Variants in RSRC1 observed in about 807,000 individuals in gnomAD.
The protein encoded by RSRC1 is serine/Arginine-related protein 53.
In RSRC1, 39 loss-of-function variants were observed where a neutral mutation model predicts 49.1. That is an observed-to-expected ratio of 0.79 (90% CI 0.61 to 1.04). RSRC1 has a LOEUF of 1.04. Among genes scored for constraint, RSRC1 ranks in the 50% least tolerant of loss-of-function variants. RSRC1 has a pLI of 0.00. For synonymous variants in RSRC1, 143 were observed against 130.8 expected (o/e 1.09, Z -0.63); for missense variants, 388 against 402.4 (o/e 0.96, Z 0.31).
intron 6 of RSRC1, among the ~76,000 whole-genome samples, chr3:158,373,759 A>G (rs1457008341): frequency 2.0e-5 from 3 of 152,070 alleles, no homozygotes; most frequent in East Asian, 1.9e-4. Context: ...TGTAACTAAC[A>G]TGGTACCCTG....
intron 4 of RSRC1, among the ~76,000 whole-genome samples, chr3:158,230,573 C>A (rs186981333): frequency 6.6e-6 from 1 of 152,128 alleles, no homozygotes; most frequent in African/African-American, 2.4e-5. Flanking sequence ...TATCATTCTG[C>A]TACAGCAATT....
chr3:158,175,873 C>G (rs917867560), intron 3 of RSRC1, among the ~76,000 whole-genome samples: 1 of 152,086 alleles, frequency 6.6e-6, no homozygotes, highest in Admixed American at 6.6e-5. Flanking sequence ...GATCTTCAGT[C>G]ACTGATACCC....
intron 3 of RSRC1, among the ~76,000 whole-genome samples, chr3:158,139,074 C>T (rs1266615934): frequency 1.3e-5 from 2 of 152,032 alleles, no homozygotes; most frequent in Non-Finnish European, 2.9e-5. Context: ...ATGACATTTT[C>T]TTCTAGTACT....
intron 4 of RSRC1, among the ~76,000 whole-genome samples, chr3:158,231,107 TAGTAG>T (rs61125339): frequency 0.57 from 83,547 of 147,316 alleles, 24,129 homozygotes; most frequent in East Asian, 0.73. Flanking sequence ...TTCTTGGCTG[TAGTAG>T]AGATGAAGAA....
intron 6 of RSRC1, among the ~76,000 whole-genome samples, chr3:158,443,096 A>G (rs900016383): frequency 6.6e-6 from 1 of 152,166 alleles, no homozygotes; most frequent in Non-Finnish European, 1.5e-5. Flanking sequence ...GCACAGGCAG[A>G]GTAGATTTAG....
chr3:158,241,630 G>T (rs1723585796), intron 4 of RSRC1, among the ~76,000 whole-genome samples: 1 of 151,892 alleles, frequency 6.6e-6, no homozygotes, highest in Admixed American at 6.6e-5. Flanking sequence ...AATAAGCAAA[G>T]CAGTTATGTA....
At chr3:158,445,764 T>C (rs1334157489) in intron 6 of RSRC1, among the ~76,000 whole-genome samples, 4 of 152,086 alleles carry the variant, frequency 2.6e-5, no homozygotes, top group Non-Finnish European at 5.9e-5. Context: ...GGCCAATGAT[T>C]ATTAATAGAC....
chr3:158,336,952 A>G (rs1729933772), intron 5 of RSRC1, among the ~76,000 whole-genome samples: 1 of 152,164 alleles, frequency 6.6e-6, no homozygotes, highest in African/African-American at 2.4e-5. Context: ...GACTTGTTAG[A>G]TGAAATCAGG....
At chr3:158,278,012 G>A (rs983188924) in intron 4 of RSRC1, among the ~76,000 whole-genome samples, 2 of 152,150 alleles carry the variant, frequency 1.3e-5, no homozygotes, top group African/African-American at 4.8e-5. Flanking sequence ...AAGTGGTTGA[G>A]GGGGTTCTTC....
At chr3:158,283,409 T>C (rs1262890763) in intron 4 of RSRC1, among the ~76,000 whole-genome samples, 2 of 152,254 alleles carry the variant, frequency 1.3e-5, no homozygotes, top group African/African-American at 4.8e-5. Context: ...TCAAATACTG[T>C]TTACTTTTCA....
Position 158,222,607 on chromosome 3 carries a change from C to T in RSRC1, c.494+19362C>T, listed in dbSNP as rs568667359. Among the ~76,000 whole-genome samples the T allele has an allele frequency of 4.6e-5, 7 of 151,516 alleles. No individual in the cohort carries two copies. In the South Asian group the frequency reaches 8.3e-4, roughly 18 times the overall value. ...ATCTTGATGGCATATATTCATTCTC[C>T]GTCCCCCACCCCTTATATTTCCAAA... On this transcript the variant is annotated intron_variant, in intron 4 of 9. Transcript: ENST00000611884.
intron 5 of RSRC1, among the ~76,000 whole-genome samples, chr3:158,315,208 A>G (rs1728361662): frequency 1.3e-5 from 2 of 152,166 alleles, no homozygotes; most frequent in African/African-American, 4.8e-5. Context: ...ACATGGATGG[A>G]TGGTTGGAGT....
chr3:158,137,453 A>G (rs537328570), intron 3 of RSRC1, among the ~76,000 whole-genome samples: 1 of 151,696 alleles, frequency 6.6e-6, no homozygotes, highest in East Asian at 1.9e-4. Context: ...TTGCTTTAAG[A>G]TGATGCCCTT....
At chr3:158,433,074 A>G (rs1055332244) in intron 6 of RSRC1, among the ~76,000 whole-genome samples, 2 of 151,960 alleles carry the variant, frequency 1.3e-5, no homozygotes, top group Non-Finnish European at 2.9e-5. Context: ...AAAAAAGATC[A>G]CTTAAAAAAT....
At chr3:158,197,516 TGTTA>T (rs1234605617) in intron 3 of RSRC1, among the ~76,000 whole-genome samples, 1 of 152,190 alleles carries the variant, frequency 6.6e-6, no homozygotes, top group Admixed American at 6.5e-5. Flanking sequence ...TCTGCTCTGA[TGTTA>T]GTTATTTCTT....
At chr3:158,425,235 C>G (rs1735343133) in intron 6 of RSRC1, among the ~76,000 whole-genome samples, 1 of 152,090 alleles carries the variant, frequency 6.6e-6, no homozygotes, top group Admixed American at 6.6e-5. Flanking sequence ...AAATTTCCCT[C>G]TACACACTGC....
At chr3:158,208,838 C>G (rs1307826655) in intron 4 of RSRC1, among the ~76,000 whole-genome samples, 1 of 152,152 alleles carries the variant, frequency 6.6e-6, no homozygotes, top group African/African-American at 2.4e-5. Context: ...CTCATAATTG[C>G]AATTTGATTT....
Position 158,444,932 on chromosome 3 carries a change from T to C in RSRC1, c.584-16003T>C, listed in dbSNP as rs201988262. Among the ~76,000 whole-genome samples, 241 of 151,988 alleles carry C rather than the reference T, an allele frequency of 1.6e-3. 3 individuals are homozygous for C. In the East Asian group the frequency reaches 0.031, roughly 20 times the overall value. ...TCATCATCACTGGCCATCAGAAAAA[T>C]GCAAATCAAAACCACAATGAGATAC... On this transcript the variant is annotated intron_variant, in intron 6 of 9. Transcript: ENST00000611884.
chr3:158,479,675 A>T (rs1363438264), intron 7 of RSRC1, among the ~76,000 whole-genome samples: 1 of 152,022 alleles, frequency 6.6e-6, no homozygotes, highest in African/African-American at 2.4e-5. Flanking sequence ...ATATTTGATG[A>T]TAATATTTTT....
Sources: gnomAD v4.1 joint callset for allele counts (sites outside exome capture counted in the v4.1 genomes callset) on GRCh38, gnomAD v4.1.1 for gene constraint, MANE v1.5 for transcripts, NCBI Gene and HGNC (gene_info 2026-07-23, HGNC 2026-07-21) for gene names.